Variants in ATP2B1 observed in about 807,000 individuals in gnomAD.
ATP2B1 encodes plasma membrane calcium-transporting ATPase 1.
ATP2B1 carries 14 observed loss-of-function variants against 124.2 expected under a neutral mutation model. The ratio of observed to expected loss-of-function variants is 0.11; its 90% confidence interval spans 0.07 to 0.18. The LOEUF (loss-of-function observed/expected upper bound fraction) is 0.18. Among genes scored for constraint, ATP2B1 ranks in the 10% least tolerant of loss-of-function variants. The pLI is 1.00. For missense variants in ATP2B1, 763 were observed against 1,466.1 expected, an observed-to-expected ratio of 0.52 and a Z score of 7.83; for synonymous variants, 449 against 492.4, an observed-to-expected ratio of 0.91 and a Z score of 1.17.
intron 1 of ATP2B1, among the ~76,000 whole-genome samples, chr12:89,673,953 T>A (rs1888304493): frequency 6.6e-6 from 1 of 152,202 alleles, no homozygotes; most frequent in African/African-American, 2.4e-5. Context: ...TTCTAGCTCT[T>A]TATACCTGTA....
rs189637829 is a variant in ATP2B1 at position 89,701,929 on chromosome 12, T to C, written c.-222+6667A>G. Among the ~76,000 whole-genome samples the C allele has an allele frequency of 3.0e-3, 458 of 152,200 alleles. 1 individual carries two copies. The highest frequency in any genetic ancestry group is 0.01 in the African/African-American group (431 of 41,502). On this transcript the variant is annotated intron_variant, in intron 1 of 20. Transcript: ENST00000428670. ...GAGGGACCACCAGACTCTAAGACCG[T>C]CACACAGTGGACAGTCAGCAATACT...
chr12:89,611,271 A>G lies in ATP2B1; in HGVS notation c.2169T>C (p.Gly723=), dbSNP rs1174665707. Residue 723 remains glycine, a synonymous_variant, in exon 13 of 21, where the codon GGT becomes GGC. Coordinates refer to ENST00000428670, the MANE Select transcript of ATP2B1 (RefSeq NM_001366521.1). ...GAAAATCTTCCCCAGGATGTAAAAT[A>G]CCACATTTGGTAGCAATGGCCCGAG... ...NTARAIATKC[G]ILHPGEDFLC... The G allele has an allele frequency of 8.7e-6, 14 of 1,612,050 alleles. No individual in the cohort carries two copies. In the South Asian group the frequency reaches 1.4e-4, roughly 16 times the overall value.
At chr12:89,655,496 A>G (rs1301929119) in intron 2 of ATP2B1, 183 bp downstream of exon 2, 7 of 617,192 alleles carry the variant, frequency 1.1e-5, no homozygotes, top group African/African-American at 9.2e-5. Flanking sequence ...TTAATTTGCA[A>G]CATTTATGTG....
intron 15 of ATP2B1, among the ~76,000 whole-genome samples, chr12:89,605,348 T>C (rs1266799134): frequency 6.6e-6 from 1 of 152,190 alleles, no homozygotes; most frequent in Non-Finnish European, 1.5e-5. Context: ...AGAGGTGATA[T>C]GATGAAGGCT....
intron 3 of ATP2B1, among the ~76,000 whole-genome samples, chr12:89,641,581 T>TCC (rs1334984338): frequency 6.6e-6 from 1 of 152,208 alleles, no homozygotes; most frequent in African/African-American, 2.4e-5. Context: ...GTGGAATTTT[T>TCC]CCACTTGTGG....
rs12321004 is a variant in ATP2B1, at chr12:89,613,665, C to T, written c.2068-2293G>A. On this transcript the variant is annotated intron_variant, in intron 12 of 20. Transcript: ENST00000428670. Reference sequence around the variant, plus strand: ...AGCAGTCCTTGATTAGGTAGTATCCCAGGATCATCTGGACAGGGAAACAAT... The same window carrying T: ...AGCAGTCCTTGATTAGGTAGTATCCTAGGATCATCTGGACAGGGAAACAAT... 6.7e-3 allele frequency among the ~76,000 whole-genome samples: 1,025 copies of T among 152,190 alleles called. 10 individuals are homozygous for T. Among genetic ancestry groups the T allele is most frequent in the African/African-American group, 0.023 (942 of 41,516 alleles).
intron 2 of ATP2B1, among the ~76,000 whole-genome samples, chr12:89,651,433 G>T (rs766823840): frequency 2.0e-5 from 3 of 152,106 alleles, no homozygotes; most frequent in Admixed American, 2.0e-4. Flanking sequence ...CCACAGGCAT[G>T]TGCCACCACT....
At chr12:89,670,560 A>T (rs1388102587) in intron 1 of ATP2B1, among the ~76,000 whole-genome samples, 1 of 152,144 alleles carries the variant, frequency 6.6e-6, no homozygotes, top group Non-Finnish European at 1.5e-5. Context: ...AGTATCCAAC[A>T]GGCATTCTGA....
intron 20 of ATP2B1, chr12:89,593,173 A>G (rs1026029212): frequency 6.6e-6 from 1 of 152,088 alleles, no homozygotes. Context: ...ATAGTAATTC[A>G]TTCAGTGTTT....
At position 89,634,984 on chromosome 12, in the gene ATP2B1, TTTAC is replaced by T. The variant is rs780659972; in HGVS notation, c.661+9_661+12del. The T allele has an allele frequency of 1.5e-5, 25 of 1,613,206 alleles. No homozygotes were observed. Among genetic ancestry groups the T allele is most frequent in the South Asian group, 2.2e-5 (2 of 91,070 alleles). On this transcript the variant is annotated intron_variant, in intron 4 of 20. Transcript: ENST00000428670. ...GTTTAGTGTCAGATGTACTGCTCTTTTTACTTACTTACCATATTTCACTTGAGCA... is the reference window on the plus strand; with the variant it reads ...GTTTAGTGTCAGATGTACTGCTCTTTTTACTTACCATATTTCACTTGAGCA...
intron 20 of ATP2B1, chr12:89,594,325 A>G (rs1230012761): frequency 6.6e-6 from 1 of 152,020 alleles, no homozygotes; most frequent in Non-Finnish European, 1.5e-5. Flanking sequence ...CTGTGAGGAA[A>G]ATAATAATTT....
At chr12:89,625,404 T>G (rs1425565425) in intron 8 of ATP2B1, among the ~76,000 whole-genome samples, 4 of 151,698 alleles carry the variant, frequency 2.6e-5, no homozygotes, top group African/African-American at 9.7e-5. Flanking sequence ...GCCAACACGG[T>G]GAAACCCCGT....
intron 15 of ATP2B1, among the ~76,000 whole-genome samples, chr12:89,606,572 C>CTTTT (rs11390166): frequency 7.7e-5 from 10 of 129,062 alleles, no homozygotes; most frequent in Admixed American, 1.6e-4. Context: ...TAATGTCCCA[C>CTTTT]TTTTTTTTTT....
chr12:89,629,889 G>A (rs1641581718), intron 6 of ATP2B1, among the ~76,000 whole-genome samples: 1 of 152,202 alleles, frequency 6.6e-6, no homozygotes, highest in East Asian at 1.9e-4. Context: ...GAGATTCTGA[G>A]ATGTCTCTTG....
intron 6 of ATP2B1, among the ~76,000 whole-genome samples, chr12:89,627,921 AGGGTGT>A (rs1214651158): frequency 1.2e-4 from 19 of 152,368 alleles, no homozygotes; most frequent in Non-Finnish European, 1.9e-4. Flanking sequence ...AAAATAATTT[AGGGTGT>A]CTATATTTGT....
intron 3 of ATP2B1, among the ~76,000 whole-genome samples, chr12:89,637,879 C>A (rs553033624): frequency 6.6e-6 from 1 of 152,074 alleles, no homozygotes. Flanking sequence ...GAAAGAATTA[C>A]GGACAATTAT....
chr12:89,677,987 C>A, intron 1 of ATP2B1, among the ~76,000 whole-genome samples: 1 of 82,638 alleles, frequency 1.2e-5, no homozygotes, highest in Non-Finnish European at 2.9e-5. Context: ...CACACACACA[C>A]ACACACACAC....
At chr12:89,692,883 C>T (rs981155944) in intron 1 of ATP2B1, among the ~76,000 whole-genome samples, 3 of 152,102 alleles carry the variant, frequency 2.0e-5, no homozygotes, top group Non-Finnish European at 4.4e-5. Context: ...GCCATAAGAA[C>T]TTAACTCTTG....
In ATP2B1 at chr12:89,591,076, C is replaced by A; in HGVS notation, c.3571G>T (p.Asp1191Tyr). Residue 1191 changes from aspartate (D) to tyrosine (Y), a missense_variant, in exon 21 of 21, where the codon GAC becomes TAC. Around this residue, in one of 7 missense-constraint regions of ATP2B1, gnomAD observed 97 missense variants for 94.7 expected, o/e 1.02. Transcript: ENST00000428670. ...PSPNKNNNAV[D>Y]SGIHLTIEMN... The stretch of plus-strand genomic sequence containing the variant: ...TCTATTGTAAGGTGAATTCCACTGT[C>A]AACAGCATTGTTATTTTTGTTGGGA... The A allele has an allele frequency of 6.2e-7, 1 of 1,613,184 alleles. No individual in the cohort carries two copies. The highest frequency in any genetic ancestry group is 1.1e-5 in the South Asian group (1 of 91,054).
Sources: allele counts gnomAD v4.1 joint callset (sites outside exome capture counted in the v4.1 genomes callset), GRCh38; gene constraint gnomAD v4.1.1; regional missense constraint gnomAD v4.1.1; transcripts MANE v1.5; gene names NCBI Gene and HGNC (gene_info 2026-07-23, HGNC 2026-07-21).